Variants in CYP1B1 observed in about 807,000 individuals in gnomAD.
CYP1B1 encodes the protein cytochrome P450 family 1 subfamily B member 1.
A neutral mutation model predicts 29.9 loss-of-function variants in CYP1B1; 22 were observed. The ratio of observed to expected loss-of-function variants is 0.74; its 90% CI spans 0.53 to 1.05. The LOEUF is 1.05. Ranked by LOEUF, CYP1B1 falls within the 50% of genes least tolerant of loss-of-function variation. The pLI, the probability that CYP1B1 is intolerant of heterozygous loss-of-function variation, is 0.00. For missense variants in CYP1B1, 883 were observed against 746.9 expected, an observed-to-expected ratio of 1.18 and a Z score of -2.12; for synonymous variants, 375 against 320.0, an observed-to-expected ratio of 1.17 and a Z score of -1.83.
chr2:38,074,656 G>T lies in CYP1B1; in HGVS notation c.733C>A (p.Pro245Thr), dbSNP rs958141746. Residue 245 changes from proline (P) to threonine (T), a missense_variant, in exon 2 of 3, where the codon CCC becomes ACC. Pro to Thr is a conservative substitution (Grantham distance 38). Transcript: ENST00000610745. Reference protein sequence around the residue: ...VGAGSLVDVMPWLQYFPNPVR... With the variant: ...VGAGSLVDVMTWLQYFPNPVR... ...GGGTTGGGGAAGTACTGCAGCCAGGGCATCACGTCCACCAGGCTGCCCGCG... is the reference window on the plus strand; with the variant it reads ...GGGTTGGGGAAGTACTGCAGCCAGGTCATCACGTCCACCAGGCTGCCCGCG... The T allele has an allele frequency of 3.1e-6, 5 of 1,613,398 alleles. No homozygotes were observed. The highest frequency in any genetic ancestry group is 2.5e-6 in the Non-Finnish European group (3 of 1,180,020).
In CYP1B1 at chr2:38,074,921, G is replaced by A. The variant is rs766949269; in HGVS notation, c.468C>T (p.Phe156=). The A allele has an allele frequency of 2.6e-6, 4 of 1,559,616 alleles. No individual in the cohort carries two copies. Among genetic ancestry groups the A allele is most frequent in the South Asian group, 1.2e-5 (1 of 85,804 alleles). The change falls in exon 2 of 3, where the codon TTC becomes TTT. Residue 156 remains phenylalanine, a synonymous_variant. Transcript: ENST00000610745. ...RAAHSMMRNF[F]TRQPRSRQVL... is the part of the protein sequence containing the mutation. The stretch of plus-strand genomic sequence containing the variant: ...CTTGGCGGCTGCGCGGCTGGCGCGT[G>A]AAGAAGTTGCGCATCATGCTGTGGG...
chr2:38,073,832 A>C, intron 2 of CYP1B1: 1 of 155,166 alleles, frequency 6.4e-6, no homozygotes, highest in Non-Finnish European at 1.4e-5. Context: ...CCCGGCCTCC[A>C]TGGGCTTCCT....
In CYP1B1 at chr2:38,075,107, T is replaced by C. The variant is rs746372491; in HGVS notation, c.282A>G (p.Ile94Met). Residue 94 changes from isoleucine to methionine, a missense_variant, in exon 2 of 3, where the codon ATA becomes ATG. Transcript: ENST00000610745. ...VFQIRLGSCP[I>M]VVLNGERAIH... ...TGGCGCGCTCGCCATTCAGCACCAC[T>C]ATGGGGCAGCTGCCCAGGCGGATCT... The C allele has an allele frequency of 6.3e-7, 1 of 1,580,964 alleles. No individual in the cohort carries two copies. Among genetic ancestry groups the C allele is most frequent in the Non-Finnish European group, 8.5e-7 (1 of 1,171,324 alleles).
chr2:38,075,759 C>G (rs1244496602), intron 1 of CYP1B1, 21 bp downstream of exon 1: 3 of 302,760 alleles, frequency 9.9e-6, no homozygotes, highest in African/African-American at 6.5e-5. Context: ...CGCCGGGCAG[C>G]GCCTCGGCAG....
At position 38,068,898 on chromosome 2, in the gene CYP1B1, C is replaced by T. The variant is rs1573270169; in HGVS notation, c.*1824G>A. The T allele has an allele frequency of 4.4e-6, 1 of 228,144 alleles. No homozygotes were observed. The allele number at this position is 228,144 out of a possible 1,614,324, so 14.1% of individuals were successfully genotyped here. On this transcript the variant is annotated 3_prime_UTR_variant, in exon 3 of 3. Transcript: ENST00000610745. ...CTTTCCTTCTTTTCAGTGTTTCTCT[C>T]TTTTCTCTTACCATCCCCCCACCCC...
intron 1 of CYP1B1, 136 bp from the exon 2 acceptor site, chr2:38,075,525 C>A: frequency 1.2e-6 from 1 of 843,776 alleles, no homozygotes. Context: ...GAGAAATGGC[C>A]GAAGACGCCC....
chr2:38,075,352 G>A lies in CYP1B1; in HGVS notation c.37C>T (p.Leu13=), dbSNP rs1197704517. 6.2e-7 allele frequency: 1 copy of A among 1,613,236 alleles called. No individual in the cohort carries two copies. The highest frequency in any genetic ancestry group is 1.1e-5 in the South Asian group (1 of 90,914). Residue 13 remains leucine (L), a synonymous_variant, in exon 2 of 3, where the codon CTA becomes TTA. Transcript: ENST00000610745. ...GTCTGCTGGATGGACAGCGGGTTTAGCGGCCAAGGGTCGTTCGGGCTGAGG... is the reference window on the plus strand; with the variant it reads ...GTCTGCTGGATGGACAGCGGGTTTAACGGCCAAGGGTCGTTCGGGCTGAGG... ...TSLSPNDPWP[L]NPLSIQQTTL... is the part of the protein sequence containing the mutation.
Position 38,074,798 on chromosome 2 carries a change from G to T in CYP1B1, c.591C>A (p.Thr197=). 2 of 1,583,556 alleles carry T rather than the reference G, an allele frequency of 1.3e-6. No homozygotes were observed. Among genetic ancestry groups the T allele is most frequent in the East Asian group, 4.6e-5 (2 of 43,244 alleles). ...DGAFLDPRPL[T]VVAVANVMSA... ...TCATGACGTTGGCCACGGCCACGAC[G>T]GTCAGCGGCCTCGGGTCGAGGAAGG... The change falls in exon 2 of 3, where the codon ACC becomes ACA. Residue 197 remains threonine (T), a synonymous_variant. Coordinates refer to ENST00000610745, the MANE Select transcript of CYP1B1 (RefSeq NM_000104.4).
At position 38,074,773 on chromosome 2, in the gene CYP1B1, T is replaced by C. The variant is rs781332540; in HGVS notation, c.616A>G (p.Ser206Gly). 1.9e-6 allele frequency: 3 copies of C among 1,596,212 alleles called. No homozygotes were observed. The highest frequency in any genetic ancestry group is 2.6e-6 in the Non-Finnish European group (3 of 1,171,814). ...TAGCGGCAGCCGAAACACACGGCAC[T>C]CATGACGTTGGCCACGGCCACGACG... The part of the protein sequence containing the change: ...LTVVAVANVM[S>G]AVCFGCRYSH... Residue 206 changes from serine (S) to glycine (G), a missense_variant, in exon 2 of 3, where the codon AGT becomes GGT. Ser to Gly is a moderately conservative substitution (Grantham distance 56). Coordinates refer to ENST00000610745, the MANE Select transcript of CYP1B1 (RefSeq NM_000104.4).
In CYP1B1 at chr2:38,073,183, A is replaced by G. The variant is rs375317986; in HGVS notation, c.1043+1163T>C. Among the ~76,000 whole-genome samples, 7 of 152,368 alleles carry G rather than the reference A, an allele frequency of 4.6e-5. No individual in the cohort carries two copies. The East Asian group carries it at 9.6e-4, about 21-fold the overall frequency. On this transcript the variant is annotated intron_variant, in intron 2 of 2. Coordinates refer to ENST00000610745, the MANE Select transcript of CYP1B1 (RefSeq NM_000104.4). ...TTAATACTAAAAAGCCATTTTAAGT[A>G]TACAGAAACTTTTAATTTGTGAAGG...
rs73625096 is a variant in CYP1B1 at position 38,075,036 on chromosome 2, G to A, written c.353C>T (p.Pro118Leu). The A allele has an allele frequency of 6.3e-7, 1 of 1,589,072 alleles. No individual in the cohort carries two copies. Among genetic ancestry groups the A allele is most frequent in the Admixed American group, 1.7e-5 (1 of 59,122 alleles). The change falls in exon 2 of 3, where the codon CCG becomes CTG. Residue 118 changes from proline (P) to leucine (L), a missense_variant. Pro to Leu is a moderately conservative substitution (Grantham distance 98). Transcript: ENST00000610745. ...CACCACACGGAAGGAGGCGAAGGCCGGCCGGTCGGCGAAGGCCGAGCCCTG... is the reference window on the plus strand; with the variant it reads ...CACCACACGGAAGGAGGCGAAGGCCAGCCGGTCGGCGAAGGCCGAGCCCTG... ...VQQGSAFADR[P>L]AFASFRVVSG...
rs28936700 is a variant in CYP1B1, at chr2:38,075,207, C to T, written c.182G>A (p.Gly61Glu). 486 of 1,579,668 alleles carry T rather than the reference C, an allele frequency of 3.1e-4. 2 individuals are homozygous for T. In the Middle Eastern group the frequency reaches 6.3e-3, roughly 20 times the overall value. ...PPGPFAWPLI[G>E]NAAAVGQAAH... The stretch of plus-strand genomic sequence containing the variant: ...CGCCTGGCCCACCGCCGCCGCGTTT[C>T]CGATCAGTGGCCACGCAAACGGGCC... Residue 61 changes from glycine (G) to glutamate (E), a missense_variant, in exon 2 of 3, where the codon GGA (glycine) becomes GAA (glutamate). Coordinates refer to ENST00000610745, the MANE Select transcript of CYP1B1 (RefSeq NM_000104.4).
At chr2:38,074,182 C>T (rs1682480991) in intron 2 of CYP1B1, 164 bp downstream of exon 2, 2 of 765,690 alleles carry the variant, frequency 2.6e-6, no homozygotes, top group Non-Finnish European at 4.2e-6. Flanking sequence ...GTGTCGCAGC[C>T]CTCACTGTGA....
rs1451518432 is a variant in CYP1B1 at position 38,074,906 on chromosome 2, G to T, written c.483C>A (p.Arg161=). The change falls in exon 2 of 3, where the codon CGC becomes CGA. Residue 161 remains arginine, a synonymous_variant. Transcript: ENST00000610745. ...MMRNFFTRQP[R]SRQVLEGHVL... The stretch of plus-strand genomic sequence containing the variant: ...CGTGGCCCTCGAGGACTTGGCGGCT[G>T]CGCGGCTGGCGCGTGAAGAAGTTGC... The T allele has an allele frequency of 2.6e-6, 4 of 1,554,256 alleles. No individual in the cohort carries two copies. In the Admixed American group the frequency reaches 7.6e-5, roughly 30 times the overall value.
At chr2:38,072,128 T>C (rs1485138918) in intron 2 of CYP1B1, among the ~76,000 whole-genome samples, 1 of 152,214 alleles carries the variant, frequency 6.6e-6, no homozygotes, top group African/African-American at 2.4e-5. Context: ...GAAGGTAACC[T>C]CTTCCCGCCT....
rs1392763888 is a variant in CYP1B1, at chr2:38,071,120, A to T, written c.1234T>A (p.Tyr412Asn). 6.2e-7 allele frequency: 1 copy of T among 1,613,440 alleles called. No individual in the cohort carries two copies. The highest frequency in any genetic ancestry group is 8.5e-7 in the Non-Finnish European group (1 of 1,179,348). Residue 412 changes from tyrosine to asparagine, a missense_variant, in exon 3 of 3, where the codon TAC (tyrosine) becomes AAC (asparagine). Tyr to Asn is a moderately radical substitution (Grantham distance 143). Transcript: ENST00000610745. ...ACCACAGTGTCCTTGGGAATGTGGT[A>T]GCCCAAGACAGAGGTGTTGGCAGTG... is the stretch of plus-strand genomic sequence containing the variant. Reference protein sequence around the residue: ...ATTANTSVLGYHIPKDTVVFV... With the variant: ...ATTANTSVLGNHIPKDTVVFV...
At position 38,069,768 on chromosome 2, in the gene CYP1B1, C is replaced by T. The variant is rs1682390395; in HGVS notation, c.*954G>A. 5.1e-6 allele frequency: 1 copy of T among 197,072 alleles called. No individual in the cohort carries two copies. The highest frequency in any genetic ancestry group is 6.0e-5 in the Admixed American group (1 of 16,598). 12.2% of individuals were successfully genotyped at this position (197,072 alleles called of 1,614,324 possible). ...ATTATACAAGGCATATATTATTCAA[C>T]CTTTTCCTGAACAAGATAATACTAA... On this transcript the variant is annotated 3_prime_UTR_variant, in exon 3 of 3. Transcript: ENST00000610745.
chr2:38,071,993 A>C (rs1288080282), intron 2 of CYP1B1, among the ~76,000 whole-genome samples: 1 of 152,222 alleles, frequency 6.6e-6, no homozygotes. Context: ...TATTTTTTAA[A>C]TTTGAAAGCA....
rs780269033 is a variant in CYP1B1 at position 38,075,399 on chromosome 2, G to C, written c.-1-10C>G. 1 of 1,610,960 alleles carries C rather than the reference G, an allele frequency of 6.2e-7. No homozygotes were observed. Among genetic ancestry groups the C allele is most frequent in the African/African-American group, 1.3e-5 (1 of 75,034 alleles). ...GAGGCTGGTGCCCATGCTGGGGACA[G>C]AGAGGAGAAGGCGTGACACTCAGGG... On this transcript the variant is annotated splice_polypyrimidine_tract_variant and intron_variant, in intron 1 of 2. Coordinates refer to ENST00000610745, the MANE Select transcript of CYP1B1 (RefSeq NM_000104.4).
Sources: gnomAD v4.1 joint callset for allele counts (sites outside exome capture counted in the v4.1 genomes callset) on GRCh38, gnomAD v4.1.1 for gene constraint, MANE v1.5 for transcripts, NCBI Gene and HGNC (gene_info 2026-07-23, HGNC 2026-07-21) for gene names.